The following RNF111 variants were observed in gnomAD, a reference collection of about 807,000 sequenced individuals.
The protein encoded by RNF111 is E3 ubiquitin-protein ligase Arkadia.
Under a neutral mutation model 95.1 loss-of-function variants are expected in RNF111, and 17 were observed. That is an observed-to-expected ratio of 0.18 (90% CI 0.12 to 0.27). The LOEUF (loss-of-function observed/expected upper bound fraction) is 0.27. Ranked by LOEUF, RNF111 falls within the 10% of genes least tolerant of loss-of-function variation. The pLI is 1.00. For missense variants in RNF111, 1,189 were observed against 1,210.4 expected, an observed-to-expected ratio of 0.98 and a Z score of 0.26; for synonymous variants, 440 against 414.8, an observed-to-expected ratio of 1.06 and a Z score of -0.74.
intron 6 of RNF111, among the ~76,000 whole-genome samples, chr15:59,075,086 A>G (rs1412598810): frequency 6.6e-6 from 1 of 152,214 alleles, no homozygotes; most frequent in East Asian, 1.9e-4. Context: ...ATCAATGACT[A>G]CTCATCAAAT....
chr15:59,089,545 T>C (rs540079307), intron 10 of RNF111, 122 bp from the exon 11 acceptor site: 3 of 742,396 alleles, frequency 4.0e-6, no homozygotes, highest in South Asian at 3.2e-5. Flanking sequence ...GTATTCTTAT[T>C]GAAGTCAAAT....
chr15:59,038,375 T>C (rs2041287161), intron 2 of RNF111, among the ~76,000 whole-genome samples: 1 of 152,218 alleles, frequency 6.6e-6, no homozygotes, highest in Non-Finnish European at 1.5e-5. Context: ...TAAGCTTTTT[T>C]AAAAGTTTGC....
At chr15:59,054,018 C>A (rs57557135) in intron 3 of RNF111, among the ~76,000 whole-genome samples, 5 of 151,998 alleles carry the variant, frequency 3.3e-5, no homozygotes, top group South Asian at 2.1e-4. Flanking sequence ...TCACCGCAGC[C>A]TCCATCTCCT....
intron 2 of RNF111, among the ~76,000 whole-genome samples, chr15:59,051,092 T>C (rs77633060): frequency 0.043 from 6,522 of 152,240 alleles, 196 homozygotes; most frequent in African/African-American, 0.065. Flanking sequence ...TTAATACTTA[T>C]CCATCTTCTA....
intron 2 of RNF111, among the ~76,000 whole-genome samples, chr15:59,048,844 T>C (rs1364823380): frequency 2.6e-5 from 4 of 152,064 alleles, no homozygotes; most frequent in African/African-American, 9.7e-5. Context: ...CCCCAGCACT[T>C]TGGGGGACTG....
At chr15:59,019,193 C>T (rs533162996) in intron 1 of RNF111, among the ~76,000 whole-genome samples, 1 of 150,788 alleles carries the variant, frequency 6.6e-6, no homozygotes, top group African/African-American at 2.4e-5. Flanking sequence ...CCTGCCTTGG[C>T]CTCACAAAGT....
chr15:59,062,562 A>T (rs1484408379), intron 5 of RNF111, among the ~76,000 whole-genome samples: 8 of 152,224 alleles, frequency 5.3e-5, no homozygotes, highest in African/African-American at 1.9e-4. Context: ...TGGGAACAAA[A>T]CAGATAAATT....
chr15:59,074,020 A>G (rs1396485144), intron 6 of RNF111, among the ~76,000 whole-genome samples: 3 of 152,172 alleles, frequency 2.0e-5, no homozygotes, highest in African/African-American at 7.2e-5. Context: ...TTTTTGAGAA[A>G]AGGTCTCACT....
rs1045118702 is a variant in RNF111, at chr15:59,064,452, C to T, written c.1367-2312C>T. On this transcript the variant is annotated intron_variant, in intron 5 of 13. Transcript: ENST00000348370. ...TCGGGAGGCTGAGGCAGGAGAATGG[C>T]GTGAACCCGGGAGGCAGAGCTTGCA... Among the ~76,000 whole-genome samples, 108 of 144,590 alleles carry T rather than the reference C, an allele frequency of 7.5e-4. 1 individual carries two copies. The highest frequency in any genetic ancestry group is 2.6e-3 in the African/African-American group (101 of 38,706). 94.9% of individuals were successfully genotyped at this position (144,590 alleles called of 152,430 possible). A position where few individuals can be genotyped will look rare whatever the true frequency, so the allele number is the denominator to read the frequency against.
chr15:59,018,266 A>G (rs961145977), intron 1 of RNF111, among the ~76,000 whole-genome samples: 2 of 152,180 alleles, frequency 1.3e-5, no homozygotes, highest in African/African-American at 4.8e-5. Context: ...ACATTTGACA[A>G]TTCCATTCAA....
intron 2 of RNF111, among the ~76,000 whole-genome samples, chr15:59,044,271 TC>T (rs1424788217): frequency 6.6e-6 from 1 of 152,204 alleles, no homozygotes; most frequent in Admixed American, 6.5e-5. Flanking sequence ...CCTCAGGTGA[TC>T]CATCTGCCTT....
intron 12 of RNF111, among the ~76,000 whole-genome samples, chr15:59,091,662 C>G (rs1242567123): frequency 1.3e-5 from 2 of 152,152 alleles, no homozygotes; most frequent in African/African-American, 4.8e-5. Context: ...TAGCATTATA[C>G]AGTTATGGGG....
rs146696553 is a variant in RNF111 at position 59,004,336 on chromosome 15, A to G, written c.-20+16268A>G. On this transcript the variant is annotated intron_variant, in intron 1 of 13. Transcript: ENST00000348370. ...GTTTACTGAAACTAAAATTCTGAAGATTGCAAAAAAGTATATAGGTAAATG... is the reference window on the plus strand; with the variant it reads ...GTTTACTGAAACTAAAATTCTGAAGGTTGCAAAAAAGTATATAGGTAAATG... Among the ~76,000 whole-genome samples, 65 of 152,364 alleles carry G rather than the reference A, an allele frequency of 4.3e-4. 1 individual carries two copies. Among genetic ancestry groups the G allele is most frequent in the African/African-American group, 1.3e-3 (53 of 41,590 alleles).
chr15:59,011,865 A>T (rs2039831277), intron 1 of RNF111, among the ~76,000 whole-genome samples: 1 of 152,104 alleles, frequency 6.6e-6, no homozygotes, highest in African/African-American at 2.4e-5. Context: ...ATTGAAACTG[A>T]CACTTGGCAT....
chr15:59,089,180 T>C (rs752733371), intron 10 of RNF111, among the ~76,000 whole-genome samples: 1 of 152,132 alleles, frequency 6.6e-6, no homozygotes, highest in Non-Finnish European at 1.5e-5. Context: ...AGTTCACACA[T>C]ATGTAATCCA....
At chr15:59,039,513 G>T (rs2041344248) in intron 2 of RNF111, among the ~76,000 whole-genome samples, 1 of 151,970 alleles carries the variant, frequency 6.6e-6, no homozygotes. Context: ...ATATTTGATG[G>T]GTTTCAGTTT....
intron 1 of RNF111, among the ~76,000 whole-genome samples, chr15:59,010,787 C>G (rs1368634441): frequency 6.6e-6 from 1 of 152,092 alleles, no homozygotes; most frequent in Non-Finnish European, 1.5e-5. Context: ...ACTGGGTTGC[C>G]TGATGAGAGA....
intron 3 of RNF111, 58 bp from the exon 4 acceptor site, chr15:59,055,624 T>C: frequency 2.3e-6 from 3 of 1,307,982 alleles, no homozygotes; most frequent in East Asian, 2.7e-5. Context: ...TATGGGTTTT[T>C]GTGGTGACTA....
intron 4 of RNF111, among the ~76,000 whole-genome samples, chr15:59,057,244 A>G (rs2042236025): frequency 6.6e-6 from 1 of 152,236 alleles, no homozygotes; most frequent in African/African-American, 2.4e-5. Flanking sequence ...AAAATTGTCT[A>G]GCCCAAAATG....
Sources: allele counts gnomAD v4.1 joint callset (sites outside exome capture counted in the v4.1 genomes callset), GRCh38; gene constraint gnomAD v4.1.1; transcripts MANE v1.5; gene names NCBI Gene and HGNC (gene_info 2026-07-23, HGNC 2026-07-21).